The following SPDYA variants were observed in gnomAD, a reference collection of about 807,000 sequenced individuals.
SPDYA encodes speedy/RINGO cell cycle regulator family member A, also known as speedy protein A.
In SPDYA, 11 loss-of-function variants were observed where a neutral mutation model predicts 36.7. The ratio of observed to expected loss-of-function variants is 0.30; its 90% CI spans 0.19 to 0.50. SPDYA has a LOEUF of 0.50. SPDYA is among the 20% of genes least tolerant of loss of function. SPDYA has a pLI of 0.98. For missense variants in SPDYA, 287 were observed against 370.9 expected, an observed-to-expected ratio of 0.77 and a Z score of 1.86; for synonymous variants, 115 against 118.7, an observed-to-expected ratio of 0.97 and a Z score of 0.20.
chr2:28,818,631 C>T (rs1447285147), intron 3 of SPDYA, among the ~76,000 whole-genome samples: 1 of 151,560 alleles, frequency 6.6e-6, no homozygotes, highest in Admixed American at 6.6e-5. Context: ...TCTTTTTATC[C>T]TAATAGTTTT....
At chr2:28,840,549 CATA>C in intron 7 of SPDYA, 80 bp downstream of exon 7, 4 of 1,518,644 alleles carry the variant, frequency 2.6e-6, no homozygotes, top group South Asian at 1.3e-5. Context: ...GGCGGGGATA[CATA>C]ATAATTTATA....
At chr2:28,812,995 T>C (rs1019646455) in intron 1 of SPDYA, among the ~76,000 whole-genome samples, 1 of 152,208 alleles carries the variant, frequency 6.6e-6, no homozygotes, top group African/African-American at 2.4e-5. Context: ...TTCCTCTTGC[T>C]TGCTCTATAA....
At chr2:28,824,570 A>G (rs1489764867) in intron 5 of SPDYA, among the ~76,000 whole-genome samples, 2 of 31,734 alleles carry the variant, frequency 6.3e-5, no homozygotes, top group Non-Finnish European at 1.5e-4. Flanking sequence ...TTTTTGTGAC[A>G]GAGTCTCTCT....
At chr2:28,834,252 C>T (rs935421763) in intron 6 of SPDYA, among the ~76,000 whole-genome samples, 5 of 152,142 alleles carry the variant, frequency 3.3e-5, no homozygotes, top group Admixed American at 1.3e-4. Context: ...GATACTGGAA[C>T]CCTCATACAC....
At position 28,823,630 on chromosome 2, in the gene SPDYA, G is replaced by GA. The variant is rs1192990521; in HGVS notation, c.380+1233dup. ...CAGAGCAAGACTCCGTCTCAGGAAA[G>GA]AAAAAAAAAAAAAGAGTATATTTCC... On this transcript the variant is annotated intron_variant, in intron 5 of 7. Coordinates refer to ENST00000334056, the MANE Select transcript of SPDYA (RefSeq NM_182756.4). 5.9e-3 allele frequency among the ~76,000 whole-genome samples: 355 copies of GA among 59,860 alleles called. 3 individuals carry two copies. Among genetic ancestry groups the GA allele is most frequent in the African/African-American group, 0.02 (309 of 15,798 alleles). The allele number at this position is 59,860 out of a possible 152,430, so 39.3% of individuals were successfully genotyped here. A position where few individuals can be genotyped will look rare whatever the true frequency, so the allele number is the denominator to read the frequency against.
At chr2:28,816,316 A>G in intron 3 of SPDYA, 67 bp downstream of exon 3, 2 of 1,168,938 alleles carry the variant, frequency 1.7e-6, no homozygotes, top group Non-Finnish European at 2.4e-6. Context: ...AAACATCTAA[A>G]TGTTTTTATT....
intron 1 of SPDYA, among the ~76,000 whole-genome samples, chr2:28,813,451 C>T (rs2148073269): frequency 6.6e-6 from 1 of 152,238 alleles, no homozygotes; most frequent in East Asian, 1.9e-4. Flanking sequence ...CTAGCCCCAA[C>T]ACTCAAATTT....
chr2:28,840,431 T>C lies in SPDYA; in HGVS notation c.812T>C (p.Ile271Thr), dbSNP rs764962901. 6.2e-7 allele frequency: 1 copy of C among 1,613,934 alleles called. No individual in the cohort carries two copies. Among genetic ancestry groups the C allele is most frequent in the Non-Finnish European group, 8.5e-7 (1 of 1,180,006 alleles). Reference sequence around the variant, plus strand: ...TCATACAACTCACTGTCAATGGACATAATAGGTGATCCTTCTCAAGCTTAT... The same window carrying C: ...TCATACAACTCACTGTCAATGGACACAATAGGTGATCCTTCTCAAGCTTAT... Reference protein sequence around the residue: ...QDSYNSLSMDIIGDPSQAYTG... With the variant: ...QDSYNSLSMDTIGDPSQAYTG... Residue 271 changes from isoleucine (I) to threonine (T), a missense_variant, in exon 7 of 8, where the codon ATA becomes ACA. Physicochemically the swap from Ile to Thr is moderately conservative, Grantham distance 89. Transcript: ENST00000334056.
Position 28,829,128 on chromosome 2 carries a change from G to A in SPDYA, c.381-20G>A. ...TGTCCTTTACCCATTTCTTTTTTGGGTTGTGATCTTCTTTGTTAGGTATCT... is the reference window on the plus strand; with the variant it reads ...TGTCCTTTACCCATTTCTTTTTTGGATTGTGATCTTCTTTGTTAGGTATCT... On this transcript the variant is annotated intron_variant, in intron 5 of 7. Coordinates refer to ENST00000334056, the MANE Select transcript of SPDYA (RefSeq NM_182756.4). 6.3e-7 allele frequency: 1 copy of A among 1,597,078 alleles called. No homozygotes were observed. Among genetic ancestry groups the A allele is most frequent in the Non-Finnish European group, 8.5e-7 (1 of 1,174,020 alleles).
intron 7 of SPDYA, among the ~76,000 whole-genome samples, chr2:28,845,004 A>G (rs28800532): frequency 6.6e-6 from 1 of 152,118 alleles, no homozygotes; most frequent in Non-Finnish European, 1.5e-5. Flanking sequence ...CAGGCTGGTC[A>G]TGAACTCCTG....
intron 5 of SPDYA, among the ~76,000 whole-genome samples, chr2:28,827,386 T>G (rs1017297405): frequency 6.6e-6 from 1 of 152,242 alleles, no homozygotes; most frequent in Non-Finnish European, 1.5e-5. Flanking sequence ...AAAGTTCTAT[T>G]TTCTTCTTTT....
intron 4 of SPDYA, 51 bp downstream of exon 4, chr2:28,819,157 C>A: frequency 1.5e-6 from 2 of 1,332,408 alleles, no homozygotes; most frequent in South Asian, 1.3e-5. Context: ...TGTAACTGAA[C>A]CATTAGAGCT....
intron 7 of SPDYA, among the ~76,000 whole-genome samples, chr2:28,844,801 C>A (rs1024456606): frequency 4.6e-5 from 7 of 151,726 alleles, no homozygotes; most frequent in African/African-American, 1.7e-4. Context: ...GGGCATGGTG[C>A]GGGTGCCTGT....
At chr2:28,829,414 TG>T in intron 6 of SPDYA, 95 bp downstream of exon 6, 1 of 1,234,098 alleles carries the variant, frequency 8.1e-7, no homozygotes, top group Non-Finnish European at 1.1e-6. Context: ...TTTGGTATTC[TG>T]GGTTTTTTTT....
At chr2:28,836,572 C>T (rs1436748551) in intron 6 of SPDYA, among the ~76,000 whole-genome samples, 2 of 152,122 alleles carry the variant, frequency 1.3e-5, no homozygotes, top group African/African-American at 2.4e-5. Context: ...AAGCTAAAAG[C>T]CAGGTATTAT....
intron 7 of SPDYA, among the ~76,000 whole-genome samples, chr2:28,844,611 G>A (rs1668825968): frequency 6.6e-6 from 1 of 152,154 alleles, no homozygotes; most frequent in Non-Finnish European, 1.5e-5. Context: ...GTGATGTTCG[G>A]TGGTTAGCTG....
At chr2:28,848,253 A>AT (rs1668932748) in intron 7 of SPDYA, among the ~76,000 whole-genome samples, 1 of 152,228 alleles carries the variant, frequency 6.6e-6, no homozygotes, top group African/African-American at 2.4e-5. Flanking sequence ...TTCAAAACAC[A>AT]GATCTAAACA....
At chr2:28,827,785 A>G (rs1668368802) in intron 5 of SPDYA, among the ~76,000 whole-genome samples, 1 of 151,906 alleles carries the variant, frequency 6.6e-6, no homozygotes, top group African/African-American at 2.4e-5. Flanking sequence ...TATAGTTTTT[A>G]TTAAATTTCA....
intron 6 of SPDYA, among the ~76,000 whole-genome samples, chr2:28,834,447 T>C (rs1281113539): frequency 1.3e-5 from 2 of 152,212 alleles, no homozygotes; most frequent in African/African-American, 2.4e-5. Flanking sequence ...GTATTCATAA[T>C]AGCCAAAGTA....
Sources: allele counts gnomAD v4.1 joint callset (sites outside exome capture counted in the v4.1 genomes callset), GRCh38; gene constraint gnomAD v4.1.1; transcripts MANE v1.5; gene names NCBI Gene and HGNC (gene_info 2026-07-23, HGNC 2026-07-21).